Variants in SLC39A5 observed in about 807,000 individuals in gnomAD.
The protein encoded by SLC39A5 is zinc transporter ZIP5.
A neutral mutation model predicts 46.9 loss-of-function variants in SLC39A5; 42 were observed. The ratio of observed to expected loss-of-function variants is 0.90; its 90% CI spans 0.70 to 1.16. The LOEUF (loss-of-function observed/expected upper bound fraction) is 1.16. Ranked by LOEUF, SLC39A5 falls within the 50% of genes most tolerant of loss-of-function variation. The pLI, the probability that SLC39A5 is intolerant of heterozygous loss-of-function variation, is 0.00. For missense variants in SLC39A5, 677 were observed against 686.8 expected, an observed-to-expected ratio of 0.99 and a Z score of 0.16; for synonymous variants, 311 against 323.1, an observed-to-expected ratio of 0.96 and a Z score of 0.40.
At position 56,234,916 on chromosome 12, in the gene SLC39A5, G is replaced by T. The variant is rs1870579196; in HGVS notation, c.564G>T (p.Leu188=). The change falls in exon 6 of 13, where the codon CTG becomes CTT. Residue 188 remains leucine, a synonymous_variant. Coordinates refer to ENST00000454355, the MANE Select transcript of SLC39A5 (RefSeq NM_173596.3). ...PRQFALLCPA[L]LYQIDSRVCI... Reference sequence around the variant, plus strand: ...AGTTTGCTCTGCTGTGCCCAGCCCTGCTTTATCAGATCGACAGCCGCGTCT... The same window carrying T: ...AGTTTGCTCTGCTGTGCCCAGCCCTTCTTTATCAGATCGACAGCCGCGTCT... The T allele has an allele frequency of 6.2e-7, 1 of 1,613,876 alleles. No homozygotes were observed. The highest frequency in any genetic ancestry group is 1.3e-5 in the African/African-American group (1 of 75,054).
chr12:56,235,718 C>A lies in SLC39A5; in HGVS notation c.945+18C>A. 1 of 1,613,470 alleles carries A rather than the reference C, an allele frequency of 6.2e-7. No individual in the cohort carries two copies. The highest frequency in any genetic ancestry group is 8.5e-7 in the Non-Finnish European group (1 of 1,179,996). On this transcript the variant is annotated intron_variant, in intron 8 of 12. Coordinates refer to ENST00000454355, the MANE Select transcript of SLC39A5 (RefSeq NM_173596.3). ...TCAGGCCAGTGAGTGATACCCTTTT[C>A]TCCTCCTTCTGCTGAGACCAGAGTC...
At position 56,232,786 on chromosome 12, in the gene SLC39A5, C is replaced by A; in HGVS notation, c.385C>A (p.Pro129Thr). Reference protein sequence around the residue: ...DLEESKAPHLPRGPAPSGLDL... With the variant: ...DLEESKAPHLTRGPAPSGLDL... ...GGAAGAGTCAAAGGCCCCTCACCTA[C>A]CCCGTGGGCCAGCCCCCTCGGGCCT... Residue 129 changes from proline to threonine, a missense_variant, in exon 5 of 13, where the codon CCC (proline) becomes ACC (threonine). Physicochemically the swap from Pro to Thr is conservative, Grantham distance 38. Coordinates refer to ENST00000454355, the MANE Select transcript of SLC39A5 (RefSeq NM_173596.3). The A allele has an allele frequency of 6.2e-7, 1 of 1,612,642 alleles. No individual in the cohort carries two copies. The highest frequency in any genetic ancestry group is 8.5e-7 in the Non-Finnish European group (1 of 1,179,528).
chr12:56,233,510 G>C (rs2135853204), intron 5 of SLC39A5, among the ~76,000 whole-genome samples: 1 of 152,054 alleles, frequency 6.6e-6, no homozygotes, highest in Admixed American at 6.6e-5. Context: ...GGTCTTAGGG[G>C]ATGTTATTTC....
chr12:56,237,696 G>C lies in SLC39A5; in HGVS notation c.1588G>C (p.Glu530Gln). 1.9e-6 allele frequency: 3 copies of C among 1,592,782 alleles called. No individual in the cohort carries two copies. The highest frequency in any genetic ancestry group is 2.6e-6 in the Non-Finnish European group (3 of 1,170,300). The change falls in exon 13 of 13, where the codon GAG becomes CAG. Residue 530 changes from glutamate (E) to glutamine (Q), a missense_variant. Glu to Gln is a conservative substitution (Grantham distance 29). Coordinates refer to ENST00000454355, the MANE Select transcript of SLC39A5 (RefSeq NM_173596.3). ...CCTCATGCTTGCCATAACCCTGCTG[G>C]AGGAGCGGCTACTGCCCGTGACCAC... The part of the protein sequence containing the change: ...GGLMLAITLL[E>Q]ERLLPVTTEG
In SLC39A5 at chr12:56,237,325, G is replaced by T. The variant is rs769594905; in HGVS notation, c.1464G>T (p.Val488=). 1 of 1,596,862 alleles carries T rather than the reference G, an allele frequency of 6.3e-7. No individual in the cohort carries two copies. Among genetic ancestry groups the T allele is most frequent in the Non-Finnish European group, 8.5e-7 (1 of 1,170,982 alleles). ...FGVTAGVFLY[V]ALVDMLPALL... ...TCACTGCTGGGGTCTTCCTCTATGT[G>T]GCCCTTGTGGACATGGTGAGAGATG... The change falls in exon 12 of 13, where the codon GTG becomes GTT. Residue 488 remains valine, a synonymous_variant. Coordinates refer to ENST00000454355, the MANE Select transcript of SLC39A5 (RefSeq NM_173596.3).
In SLC39A5 at chr12:56,236,744, T is replaced by C; in HGVS notation, c.1205T>C (p.Ile402Thr). The C allele has an allele frequency of 1.3e-6, 2 of 1,597,424 alleles. No individual in the cohort carries two copies. Among genetic ancestry groups the C allele is most frequent in the East Asian group, 2.2e-5 (1 of 44,642 alleles). ...CACAACCTCACTGATGGGCTGGCCA[T>C]AGGTGTGAGGGGTGGGAACGGAGGG... ...GLHNLTDGLA[I>T]GAAFSDGFSS... is the part of the protein sequence containing the mutation. The change falls in exon 10 of 13, where the codon ATA becomes ACA. Residue 402 changes from isoleucine to threonine, a missense_variant and splice_region_variant. Transcript: ENST00000454355.
intron 5 of SLC39A5, among the ~76,000 whole-genome samples, chr12:56,233,531 T>G (rs1417230613): frequency 6.6e-6 from 1 of 152,070 alleles, no homozygotes; most frequent in Non-Finnish European, 1.5e-5. Context: ...AATAGTGAAC[T>G]ATGTTCCCTC....
At chr12:56,236,523 T>C (rs767240834) in intron 9 of SLC39A5, 31 bp downstream of exon 9, 55 of 1,613,974 alleles carry the variant, frequency 3.4e-5, no homozygotes, top group Non-Finnish European at 4.3e-5. Flanking sequence ...GAAGAGTAGG[T>C]TCCAAGCTCA....
intron 5 of SLC39A5, 74 bp downstream of exon 5, chr12:56,232,946 T>TTTTTG (rs914363592): frequency 9.3e-5 from 138 of 1,480,032 alleles, no homozygotes; most frequent in Non-Finnish European, 1.2e-4. Context: ...AATCAGTAGT[T>TTTTTG]TTTTGTTTTG....
intron 3 of SLC39A5, 116 bp from the exon 4 acceptor site, chr12:56,231,088 C>A (rs1870156984): frequency 3.4e-6 from 2 of 589,210 alleles, no homozygotes; most frequent in South Asian, 2.4e-5. Flanking sequence ...AGAAAGAAGG[C>A]TGCAGTAGGG....
chr12:56,232,172 T>C (rs1243021171), intron 4 of SLC39A5, among the ~76,000 whole-genome samples: 1 of 141,768 alleles, frequency 7.1e-6, no homozygotes, highest in Non-Finnish European at 1.5e-5. Context: ...TTTTTTTTTT[T>C]TTTTTTTTTT....
In SLC39A5 at chr12:56,235,633, G is replaced by C. The variant is rs144913593; in HGVS notation, c.878G>C (p.Gly293Ala). 301 of 1,614,132 alleles carry C rather than the reference G, an allele frequency of 1.9e-4. 1 individual carries two copies. The Middle Eastern group carries it at 5.9e-3, about 32-fold the overall frequency. The change falls in exon 8 of 13, where the codon GGA becomes GCA. Residue 293 changes from glycine (G) to alanine (A), a missense_variant. Coordinates refer to ENST00000454355, the MANE Select transcript of SLC39A5 (RefSeq NM_173596.3). ...KDLGPGLSVLGGLFLLFVLEN... is the reference protein window; with the variant it reads ...KDLGPGLSVLAGLFLLFVLEN... ...CTGGGCCCGGGGCTGTCAGTGCTCG[G>C]AGGCCTCTTCCTGCTCTTTGTGCTG...
At chr12:56,232,613 A>G in intron 4 of SLC39A5, 76 bp from the exon 5 acceptor site, 10 of 1,381,086 alleles carry the variant, frequency 7.2e-6, no homozygotes, top group Non-Finnish European at 9.6e-6. Flanking sequence ...CATTCCCCCT[A>G]AAATCCCTGG....
At position 56,231,234 on chromosome 12, in the gene SLC39A5, TAGG is replaced by T; in HGVS notation, c.-38_-36del. The T allele has an allele frequency of 6.5e-7, 1 of 1,543,580 alleles. No individual in the cohort carries two copies. The highest frequency in any genetic ancestry group is 8.7e-7 in the Non-Finnish European group (1 of 1,144,278). On this transcript the variant is annotated 5_prime_UTR_variant, in exon 4 of 13. Coordinates refer to ENST00000454355, the MANE Select transcript of SLC39A5 (RefSeq NM_173596.3). Reference sequence around the variant, plus strand: ...AGTCCTCAGGATGTTTCGGGGAGAATAGGAGCCAGAACCTGAGCCCCTAAGCTA... The same window carrying T: ...AGTCCTCAGGATGTTTCGGGGAGAATAGCCAGAACCTGAGCCCCTAAGCTA...
chr12:56,234,925 G>C lies in SLC39A5; in HGVS notation c.573G>C (p.Gln191His). ...TGCTGTGCCCAGCCCTGCTTTATCAGATCGACAGCCGCGTCTGCATCGGCG... is the reference window on the plus strand; with the variant it reads ...TGCTGTGCCCAGCCCTGCTTTATCACATCGACAGCCGCGTCTGCATCGGCG... The part of the protein sequence containing the change: ...FALLCPALLY[Q>H]IDSRVCIGAP... The change falls in exon 6 of 13, where the codon CAG (glutamine) becomes CAC (histidine). Residue 191 changes from glutamine (Q) to histidine (H), a missense_variant. Gln to His is a conservative substitution (Grantham distance 24). Coordinates refer to ENST00000454355, the MANE Select transcript of SLC39A5 (RefSeq NM_173596.3). The C allele has an allele frequency of 6.2e-7, 1 of 1,613,684 alleles. No individual in the cohort carries two copies. The highest frequency in any genetic ancestry group is 8.5e-7 in the Non-Finnish European group (1 of 1,180,002).
intron 4 of SLC39A5, 50 bp downstream of exon 4, chr12:56,231,611 C>A: frequency 1.3e-6 from 2 of 1,487,166 alleles, no homozygotes; most frequent in South Asian, 1.4e-5. Flanking sequence ...CAGGTCCTCT[C>A]AGTGCTTGCC....
rs148112570 is a variant in SLC39A5 at position 56,236,414 on chromosome 12, C to T, written c.964C>T (p.Arg322Ter). 3.7e-4 allele frequency: 603 copies of T among 1,614,090 alleles called. 3 individuals carry two copies. The highest frequency in any genetic ancestry group is 4.5e-4 in the Non-Finnish European group (527 of 1,180,048). ...ATTTCAGAGATGCTGCAGGCGAAAA[C>T]GAAGGAATCTCGAAACACGCAACTT... ...GLRPRCCRRKRRNLETRNLDP... is the reference protein window; with the variant it reads ...GLRPRCCRRK Residue 322 changes from arginine (R) to a stop codon, truncating the protein, a stop_gained, in exon 9 of 13, where the codon CGA (arginine) becomes TGA (stop). Transcript: ENST00000454355. LOFTEE classifies it high-confidence loss of function.
intron 6 of SLC39A5, 42 bp from the exon 7 acceptor site, chr12:56,235,115 T>C: frequency 1.9e-6 from 3 of 1,553,088 alleles, no homozygotes; most frequent in Non-Finnish European, 1.7e-6. Context: ...TGTGGGACCC[T>C]CCTCTTGCCC....
chr12:56,230,456 A>C (rs1451060964), intron 2 of SLC39A5, 161 bp downstream of exon 2: 1 of 152,148 alleles, frequency 6.6e-6, no homozygotes, highest in Non-Finnish European at 1.5e-5. Context: ...CTAGACTGTA[A>C]GGTAGGTGGG....
Sources: allele counts gnomAD v4.1 joint callset (sites outside exome capture counted in the v4.1 genomes callset), GRCh38; gene constraint gnomAD v4.1.1; transcripts MANE v1.5; gene names NCBI Gene and HGNC (gene_info 2026-07-23, HGNC 2026-07-21).